USP10: variants seen among roughly 807,000 people sequenced by gnomAD.
USP10 encodes ubiquitin carboxyl-terminal hydrolase 10.
In USP10, 22 loss-of-function variants were observed where a neutral mutation model predicts 84.5. That is an observed-to-expected ratio of 0.26 (90% CI 0.19 to 0.37). The LOEUF (loss-of-function observed/expected upper bound fraction) is 0.37, where lower values mean the gene tolerates loss of function less well. USP10 is among the 10% of genes least tolerant of loss of function. The pLI, the probability that USP10 is intolerant of heterozygous loss-of-function variation, is 1.00. For synonymous variants in USP10, 454 were observed against 387.6 expected, an observed-to-expected ratio of 1.17 and a Z score of -2.01; for missense variants, 1,019 against 998.9, an observed-to-expected ratio of 1.02 and a Z score of -0.27.
chr16:84,770,203 G>T (rs1022144730), intron 11 of USP10, among the ~76,000 whole-genome samples: 11 of 152,108 alleles, frequency 7.2e-5, no homozygotes, highest in Admixed American at 2.0e-4. Context: ...GTGCGTGGTT[G>T]TGGTGGTGTG....
At chr16:84,740,414 A>C in intron 3 of USP10, 45 bp downstream of exon 3, 2 of 1,529,566 alleles carry the variant, frequency 1.3e-6, no homozygotes, top group Non-Finnish European at 1.8e-6. Flanking sequence ...ATTTGGCCAT[A>C]CGTGCTGGGT....
intron 13 of USP10, among the ~76,000 whole-genome samples, chr16:84,776,459 G>A (rs1021269505): frequency 1.3e-5 from 2 of 152,154 alleles, no homozygotes; most frequent in African/African-American, 4.8e-5. Context: ...AACTTGCTGG[G>A]CCTCAGATGG....
intron 1 of USP10, among the ~76,000 whole-genome samples, chr16:84,703,622 G>T (rs528308371): frequency 6.6e-6 from 1 of 152,362 alleles, no homozygotes; most frequent in South Asian, 2.1e-4. Context: ...TGTTTGAAAT[G>T]TTGACAGGGC....
rs151266780 is a variant in USP10 at position 84,719,413 on chromosome 16, G to A, written c.22-14022G>A. On this transcript the variant is annotated intron_variant, in intron 1 of 13. Coordinates refer to ENST00000219473, the MANE Select transcript of USP10 (RefSeq NM_005153.3). ...GATTCTAAACTCCAACTGTAAGTCA[G>A]AATCACACAGGAAGTGTTTAAAATG... Among the ~76,000 whole-genome samples the A allele has an allele frequency of 7.9e-5, 12 of 152,252 alleles. No individual in the cohort carries two copies. The East Asian group carries it at 1.9e-3, about 25-fold the overall frequency.
intron 13 of USP10, 35 bp from the exon 14 acceptor site, chr16:84,778,860 G>T (rs74992092): frequency 1.9e-6 from 3 of 1,596,466 alleles, no homozygotes; most frequent in South Asian, 1.1e-5. Flanking sequence ...GTGCAGTGCT[G>T]TTCTCACTCT....
intron 1 of USP10, 102 bp downstream of exon 1, chr16:84,700,213 G>C (rs1481244889): frequency 6.4e-6 from 6 of 936,850 alleles, no homozygotes; most frequent in Non-Finnish European, 8.0e-6. Flanking sequence ...CGAGCGTGTG[G>C]GAGTGGGGGA....
chr16:84,743,115 CA>C (rs1338764347), intron 3 of USP10, among the ~76,000 whole-genome samples: 1 of 152,208 alleles, frequency 6.6e-6, no homozygotes, highest in Non-Finnish European at 1.5e-5. Flanking sequence ...CCAAAATGAA[CA>C]GCCAGCCCCT....
At chr16:84,760,613 T>C (rs1450521147) in intron 8 of USP10, among the ~76,000 whole-genome samples, 2 of 152,126 alleles carry the variant, frequency 1.3e-5, no homozygotes, top group Non-Finnish European at 2.9e-5. Flanking sequence ...GCCACTGGGG[T>C]AGAATGGAGT....
intron 3 of USP10, among the ~76,000 whole-genome samples, chr16:84,741,103 G>T (rs533909614): frequency 2.0e-5 from 3 of 152,332 alleles, no homozygotes; most frequent in African/African-American, 7.2e-5. Context: ...AGAGTTAGAG[G>T]TTTGGATTCC....
chr16:84,705,232 T>C (rs527846319), intron 1 of USP10, among the ~76,000 whole-genome samples: 1 of 151,802 alleles, frequency 6.6e-6, no homozygotes, highest in Admixed American at 6.6e-5. Flanking sequence ...CTTGTTTTTT[T>C]TGTTTGTTTT....
intron 2 of USP10, among the ~76,000 whole-genome samples, chr16:84,736,333 A>G (rs756865496): frequency 7.9e-5 from 12 of 152,240 alleles, no homozygotes; most frequent in Non-Finnish European, 1.5e-4. Context: ...TTAAGATGAA[A>G]GAGCATTCTG....
intron 9 of USP10, 142 bp from the exon 10 acceptor site, chr16:84,763,944 C>A (rs1913517566): frequency 3.8e-6 from 4 of 1,047,038 alleles, no homozygotes; most frequent in Non-Finnish European, 5.4e-6. Flanking sequence ...GACGTTGCTC[C>A]TGTTGCGATT....
chr16:84,737,268 C>G (rs1377523341), intron 2 of USP10, among the ~76,000 whole-genome samples: 1 of 152,232 alleles, frequency 6.6e-6, no homozygotes, highest in Non-Finnish European at 1.5e-5. Flanking sequence ...GTGCGTTTAG[C>G]ATAACTATTA....
At chr16:84,723,891 C>T (rs1242708478) in intron 1 of USP10, among the ~76,000 whole-genome samples, 3 of 152,186 alleles carry the variant, frequency 2.0e-5, no homozygotes, top group African/African-American at 7.2e-5. Context: ...TTCTTTTGTT[C>T]GTCCTTGGCC....
chr16:84,702,198 A>C (rs548527300), intron 1 of USP10, among the ~76,000 whole-genome samples: 1 of 151,176 alleles, frequency 6.6e-6, no homozygotes, highest in African/African-American at 2.4e-5. Flanking sequence ...CTGGGATTAC[A>C]GGCGCCCACC....
chr16:84,721,019 G>A lies in USP10; in HGVS notation c.22-12416G>A, dbSNP rs142457230. 7.5e-3 allele frequency among the ~76,000 whole-genome samples: 1,139 copies of A among 150,940 alleles called. 10 individuals are homozygous for A. Among genetic ancestry groups the A allele is most frequent in the African/African-American group, 0.026 (1,083 of 41,056 alleles). Reference sequence around the variant, plus strand: ...AGCTATTTTCCTGCCTCAGCCTCTCGAGTAGCCGGGAGTACAGGTGCCCGC... The same window carrying A: ...AGCTATTTTCCTGCCTCAGCCTCTCAAGTAGCCGGGAGTACAGGTGCCCGC... On this transcript the variant is annotated intron_variant, in intron 1 of 13. Transcript: ENST00000219473.
intron 1 of USP10, among the ~76,000 whole-genome samples, chr16:84,700,774 A>G (rs1310967148): frequency 6.6e-6 from 1 of 152,170 alleles, no homozygotes; most frequent in African/African-American, 2.4e-5. Context: ...GCTGACAACT[A>G]ACGCACCCTG....
At chr16:84,755,846 C>T (rs752825228) in intron 4 of USP10, among the ~76,000 whole-genome samples, 3 of 151,588 alleles carry the variant, frequency 2.0e-5, no homozygotes, top group Non-Finnish European at 2.9e-5. Context: ...TATACATATA[C>T]GATTTACTGG....
At chr16:84,725,993 G>C (rs1170695628) in intron 1 of USP10, among the ~76,000 whole-genome samples, 1 of 152,206 alleles carries the variant, frequency 6.6e-6, no homozygotes, top group Admixed American at 6.5e-5. Flanking sequence ...CTGTGCATCT[G>C]TGAATGGGAG....
Sources: allele counts gnomAD v4.1 joint callset (sites outside exome capture counted in the v4.1 genomes callset), GRCh38; gene constraint gnomAD v4.1.1; transcripts MANE v1.5; gene names NCBI Gene and HGNC (gene_info 2026-07-23, HGNC 2026-07-21).